Variants in KLHDC10 observed in about 807,000 individuals in gnomAD.
KLHDC10 encodes the protein kelch domain containing 10.
Under a neutral mutation model 56.1 loss-of-function variants are expected in KLHDC10, and 24 were observed. The observed-to-expected ratio is 0.43, with a 90% CI of 0.31 to 0.60. KLHDC10 has a LOEUF of 0.60. Ranked by LOEUF, KLHDC10 falls within the 20% of genes least tolerant of loss-of-function variation. KLHDC10 has a pLI of 0.11. For missense variants in KLHDC10, 349 were observed against 567.0 expected, an observed-to-expected ratio of 0.62 and a Z score of 3.91; for synonymous variants, 188 against 207.1, an observed-to-expected ratio of 0.91 and a Z score of 0.79.
chr7:130,108,790 A>C (rs1796058106), intron 2 of KLHDC10, among the ~76,000 whole-genome samples: 1 of 151,720 alleles, frequency 6.6e-6, no homozygotes, highest in African/African-American at 2.4e-5. Flanking sequence ...CAGATTCCCC[A>C]AATGTTATTT....
chr7:130,102,292 A>C (rs1795942237), intron 2 of KLHDC10, among the ~76,000 whole-genome samples: 1 of 152,196 alleles, frequency 6.6e-6, no homozygotes, highest in African/African-American at 2.4e-5. Context: ...ACAACTGTTG[A>C]GGAAACACAT....
intron 1 of KLHDC10, among the ~76,000 whole-genome samples, chr7:130,096,192 A>G (rs1185558374): frequency 2.0e-5 from 3 of 152,206 alleles, no homozygotes; most frequent in Non-Finnish European, 4.4e-5. Context: ...TTTATTGTCA[A>G]TAAGAGCTAT....
intron 1 of KLHDC10, among the ~76,000 whole-genome samples, chr7:130,071,090 C>T (rs1795402660): frequency 6.6e-6 from 1 of 152,198 alleles, no homozygotes; most frequent in Non-Finnish European, 1.5e-5. Flanking sequence ...CCAAATGTTT[C>T]GGTTACTCGA....
intron 1 of KLHDC10, among the ~76,000 whole-genome samples, chr7:130,073,178 G>A (rs1340167822): frequency 6.6e-6 from 1 of 151,962 alleles, no homozygotes; most frequent in Non-Finnish European, 1.5e-5. Context: ...AGGCCAGCCT[G>A]GGCAACAAAG....
intron 1 of KLHDC10, among the ~76,000 whole-genome samples, chr7:130,080,646 C>T (rs1563096515): frequency 6.6e-6 from 1 of 152,114 alleles, no homozygotes; most frequent in Non-Finnish European, 1.5e-5. Context: ...ATCCTCCCAC[C>T]TCGGCCTCCC....
intron 2 of KLHDC10, among the ~76,000 whole-genome samples, chr7:130,111,258 A>T (rs917856923): frequency 2.6e-5 from 4 of 152,238 alleles, no homozygotes; most frequent in Non-Finnish European, 4.4e-5. Context: ...AACAAATGAC[A>T]ATATCTTAAT....
intron 1 of KLHDC10, among the ~76,000 whole-genome samples, chr7:130,075,573 G>C (rs1795486411): frequency 6.6e-6 from 1 of 152,008 alleles, no homozygotes; most frequent in South Asian, 2.1e-4. Context: ...TGTTTGGATG[G>C]GTATTTAAGA....
At chr7:130,084,306 C>G (rs758603427) in intron 1 of KLHDC10, among the ~76,000 whole-genome samples, 2 of 152,166 alleles carry the variant, frequency 1.3e-5, no homozygotes, top group African/African-American at 4.8e-5. Flanking sequence ...GACACGGTAA[C>G]ACAGATGCAT....
chr7:130,079,411 T>A (rs892553893), intron 1 of KLHDC10, among the ~76,000 whole-genome samples: 9 of 152,144 alleles, frequency 5.9e-5, no homozygotes, highest in Non-Finnish European at 1.0e-4. Context: ...TTATTAGAAG[T>A]AATGTTGCTA....
At chr7:130,096,452 G>A (rs1310889458) in intron 1 of KLHDC10, among the ~76,000 whole-genome samples, 5 of 151,972 alleles carry the variant, frequency 3.3e-5, no homozygotes, top group African/African-American at 4.8e-5. Flanking sequence ...AGCTTATTTC[G>A]TATTTAAAGA....
chr7:130,092,742 G>GGTT (rs1795792837), intron 1 of KLHDC10, among the ~76,000 whole-genome samples: 1 of 152,134 alleles, frequency 6.6e-6, no homozygotes, highest in African/African-American at 2.4e-5. Flanking sequence ...GGCTGGGAGG[G>GGTT]GTTAACCTGC....
In KLHDC10 at chr7:130,120,603, C is replaced by T. The variant is rs750625113; in HGVS notation, c.476-146C>T. The T allele has an allele frequency of 2.6e-6, 2 of 766,648 alleles. No homozygotes were observed. The highest frequency in any genetic ancestry group is 4.1e-6 in the Non-Finnish European group (2 of 484,418). 47.5% of individuals were successfully genotyped at this position (766,648 alleles called of 1,614,324 possible). Reference sequence around the variant, plus strand: ...TTCAGATTTTCAGATTTGGCACGCTCAGCTACTAGTTAGATGTCAGTGGTT... The same window carrying T: ...TTCAGATTTTCAGATTTGGCACGCTTAGCTACTAGTTAGATGTCAGTGGTT... On this transcript the variant is annotated intron_variant, in intron 3 of 9. Transcript: ENST00000335420. This position sits in a 1 kb window ranked among gnomAD's most constrained non-coding sequence, Gnocchi z 5.1.
chr7:130,081,718 A>G (rs898745882), intron 1 of KLHDC10, among the ~76,000 whole-genome samples: 1 of 152,188 alleles, frequency 6.6e-6, no homozygotes, highest in African/African-American at 2.4e-5. Flanking sequence ...TTCACAGGTC[A>G]TTTATGTTTT....
rs765376550 is a variant in KLHDC10, at chr7:130,070,605, G to C, written c.-39G>C. The C allele has an allele frequency of 7.7e-7, 1 of 1,301,756 alleles. No homozygotes were observed. Among genetic ancestry groups the C allele is most frequent in the Non-Finnish European group, 9.8e-7 (1 of 1,020,626 alleles). The allele number at this position is 1,301,756 out of a possible 1,614,324, so 80.6% of individuals were successfully genotyped here. On this transcript the variant is annotated 5_prime_UTR_variant, in exon 1 of 10. Coordinates refer to ENST00000335420, the MANE Select transcript of KLHDC10 (RefSeq NM_014997.4). ...GGCTCCGCTGGTTCCGCTGGGTCAG[G>C]CGCTGACGGGACCGGGCTGCGGCAA...
intron 2 of KLHDC10, among the ~76,000 whole-genome samples, chr7:130,106,940 C>T (rs1260688277): frequency 6.6e-6 from 1 of 152,188 alleles, no homozygotes; most frequent in African/African-American, 2.4e-5. Context: ...TGCTACGTTC[C>T]AGCCTGGGCA....
rs537770951 is a variant in KLHDC10 at position 130,078,694 on chromosome 7, A to G, written c.166+7885A>G. On this transcript the variant is annotated intron_variant, in intron 1 of 9. Coordinates refer to ENST00000335420, the MANE Select transcript of KLHDC10 (RefSeq NM_014997.4). ...CCACTACACCCGGCTAATTTTTTGT[A>G]TTTTTAGTAGACACGGGGTTTCACC... 1.2e-3 allele frequency among the ~76,000 whole-genome samples: 179 copies of G among 152,026 alleles called. 1 individual carries two copies. Among genetic ancestry groups the G allele is most frequent in the African/African-American group, 4.0e-3 (166 of 41,486 alleles).
At chr7:130,121,792 C>T (rs189274965) in intron 4 of KLHDC10, among the ~76,000 whole-genome samples, 1 of 152,298 alleles carries the variant, frequency 6.6e-6, no homozygotes, top group Admixed American at 6.5e-5. Flanking sequence ...ATTATTTGAT[C>T]AGCCAGGACC....
rs1292651924 is a variant in KLHDC10, at chr7:130,128,919, T to TATATATATATACAC, written c.980-517_980-516insTATATATATACACA. On this transcript the variant is annotated intron_variant, in intron 8 of 9. Coordinates refer to ENST00000335420, the MANE Select transcript of KLHDC10 (RefSeq NM_014997.4). ...ATATATATATATATATATATATATATACATACTAGCCAAAACTTAAAAATC... is the reference window on the plus strand; with the variant it reads ...ATATATATATATATATATATATATATATATATATATACACACATACTAGCCAAAACTTAAAAATC... Among the ~76,000 whole-genome samples, 31 of 115,698 alleles carry TATATATATATACAC rather than the reference T, an allele frequency of 2.7e-4. 1 individual carries two copies. Among genetic ancestry groups the TATATATATATACAC allele is most frequent in the African/African-American group, 9.8e-4 (28 of 28,550 alleles). 75.9% of individuals were successfully genotyped at this position (115,698 alleles called of 152,430 possible).
intron 1 of KLHDC10, among the ~76,000 whole-genome samples, chr7:130,095,754 T>G (rs528207586): frequency 4.6e-4 from 70 of 152,294 alleles, no homozygotes; most frequent in African/African-American, 1.7e-3. Context: ...AACTGTTCTT[T>G]TTCTAGGGAA....
Sources: allele counts gnomAD v4.1 joint callset (sites outside exome capture counted in the v4.1 genomes callset), GRCh38; gene constraint gnomAD v4.1.1; non-coding constraint Gnocchi (gnomAD v3.1); transcripts MANE v1.5; gene names NCBI Gene and HGNC (gene_info 2026-07-23, HGNC 2026-07-21).